The following TUSC3 variants were observed in gnomAD, a reference collection of about 807,000 sequenced individuals.
TUSC3 encodes dolichyl-diphosphooligosaccharide--protein glycosyltransferase subunit TUSC3.
TUSC3 carries 45 observed loss-of-function variants against 44.8 expected under a neutral mutation model. The observed-to-expected ratio is 1.00, with a 90% CI of 0.79 to 1.29. The LOEUF is 1.29. Among genes scored for constraint, TUSC3 ranks in the 50% most tolerant of loss-of-function variants. The pLI is 0.00. For missense variants in TUSC3, 519 were observed against 437.9 expected, an observed-to-expected ratio of 1.19 and a Z score of -1.65; for synonymous variants, 212 against 152.9, an observed-to-expected ratio of 1.39 and a Z score of -2.85.
chr8:15,755,525 C>G (rs1009606103), intron 9 of TUSC3, among the ~76,000 whole-genome samples: 1 of 151,896 alleles, frequency 6.6e-6, no homozygotes, highest in African/African-American at 2.4e-5. Flanking sequence ...TAGTTGGGCT[C>G]CTGGGTCTCT....
At chr8:15,723,999 C>A (rs897177489) in intron 6 of TUSC3, among the ~76,000 whole-genome samples, 1 of 152,118 alleles carries the variant, frequency 6.6e-6, no homozygotes, top group Non-Finnish European at 1.5e-5. Context: ...CGCAGTGTGA[C>A]TGTTTGGACG....
intron 6 of TUSC3, chr8:15,689,010 C>T (rs1028315295): frequency 8.3e-5 from 21 of 252,964 alleles, no homozygotes; most frequent in East Asian, 2.7e-4. Context: ...GTCAAACAAC[C>T]GGGCCACCTG....
chr8:15,809,474 G>T, the TUSC3 span, among the ~76,000 whole-genome samples: 4 of 151,048 alleles, frequency 2.6e-5, no homozygotes, highest in Admixed American at 2.6e-4. Context: ...CCTATTTGAG[G>T]TGGATACATT....
chr8:15,763,525 G>C (rs1275366985), intron 10 of TUSC3, among the ~76,000 whole-genome samples: 2 of 151,714 alleles, frequency 1.3e-5, no homozygotes, highest in African/African-American at 4.8e-5. Context: ...GACTCAAAAA[G>C]AACATGCCAC....
upstream of TUSC3, chr8:15,540,222 CGCCTTTCCAG>C (rs1405984066): frequency 1.5e-6 from 1 of 662,882 alleles, no homozygotes; most frequent in Non-Finnish European, 2.2e-6. Flanking sequence ...CCCCATCCCG[CGCCTTTCCAG>C]GTCTTCTCCC....
At chr8:15,552,878 TGCA>T (rs1485115043) in intron 1 of TUSC3, among the ~76,000 whole-genome samples, 6 of 151,738 alleles carry the variant, frequency 4.0e-5, no homozygotes, top group African/African-American at 1.4e-4. Context: ...AAGAGGCTTC[TGCA>T]GATGTCAAAG....
intron 6 of TUSC3, among the ~76,000 whole-genome samples, chr8:15,687,173 C>T (rs1231876756): frequency 2.0e-5 from 3 of 151,980 alleles, no homozygotes; most frequent in Non-Finnish European, 4.4e-5. Context: ...GAGATTCTTC[C>T]CTCTTATTTA....
chr8:15,573,190 CTCTCTCTCTCTCTATATA>C (rs1197037747), intron 1 of TUSC3, among the ~76,000 whole-genome samples: 4 of 92,520 alleles, frequency 4.3e-5, no homozygotes, highest in East Asian at 3.8e-4. Context: ...CTCTCTCTCT[CTCTCTCTCTCTCTATATA>C]TATATATATA....
the TUSC3 span, among the ~76,000 whole-genome samples, chr8:15,822,170 A>C: frequency 6.7e-6 from 1 of 149,520 alleles, no homozygotes; most frequent in Non-Finnish European, 1.5e-5. Flanking sequence ...CTGAAATTGA[A>C]AACGCTACAA....
chr8:15,618,171 T>TG (rs1805078385), intron 1 of TUSC3, among the ~76,000 whole-genome samples: 1 of 152,194 alleles, frequency 6.6e-6, no homozygotes, highest in South Asian at 2.1e-4. Flanking sequence ...TGAGTGAGTG[T>TG]GAAGGCCTGG....
chr8:15,745,066 T>C (rs1052403742), intron 8 of TUSC3, among the ~76,000 whole-genome samples: 1 of 152,166 alleles, frequency 6.6e-6, no homozygotes, highest in African/African-American at 2.4e-5. Flanking sequence ...TCTGTGTTAA[T>C]TCACTTAGGA....
At chr8:15,670,039 A>G (rs354518) in intron 5 of TUSC3, among the ~76,000 whole-genome samples, 7,562 of 151,956 alleles carry the variant, frequency 0.05, 245 homozygotes, top group East Asian at 0.15. Context: ...TAGCATCACA[A>G]AAAGTTTTGA....
At chr8:15,823,975 T>A in the TUSC3 span, among the ~76,000 whole-genome samples, 1 of 152,220 alleles carries the variant, frequency 6.6e-6, no homozygotes, top group Non-Finnish European at 1.5e-5. Flanking sequence ...AGAAAACATA[T>A]GCAAGAAGCA....
chr8:15,644,038 C>A (rs1806505587), intron 2 of TUSC3, among the ~76,000 whole-genome samples: 1 of 151,898 alleles, frequency 6.6e-6, no homozygotes, highest in Admixed American at 6.6e-5. Flanking sequence ...AGCTATACTT[C>A]TTAAAACATC....
chr8:15,850,993 C>G, the TUSC3 span, among the ~76,000 whole-genome samples: 3 of 152,090 alleles, frequency 2.0e-5, no homozygotes, highest in Non-Finnish European at 2.9e-5. Context: ...TCACTATACT[C>G]TAGGTCTTCA....
downstream of TUSC3, among the ~76,000 whole-genome samples, chr8:15,769,928 G>T (rs1181492833): frequency 2.6e-5 from 4 of 152,162 alleles, no homozygotes. Flanking sequence ...TGCTAGAGAG[G>T]ATGTGGAGAA....
At chr8:15,708,958 A>G (rs1021303727) in intron 6 of TUSC3, among the ~76,000 whole-genome samples, 11 of 151,944 alleles carry the variant, frequency 7.2e-5, no homozygotes, top group African/African-American at 2.7e-4. Flanking sequence ...ACAACTTTTG[A>G]TCTAAATTGA....
intron 1 of TUSC3, among the ~76,000 whole-genome samples, chr8:15,427,631 T>A (rs990519116): frequency 6.6e-5 from 10 of 152,118 alleles, no homozygotes; most frequent in African/African-American, 2.4e-4. Flanking sequence ...TAAAGATTTT[T>A]AATAAACTTT....
At chr8:15,559,223 A>G (rs56051444) in intron 1 of TUSC3, among the ~76,000 whole-genome samples, 33,653 of 138,286 alleles carry the variant, frequency 0.24, 5,041 homozygotes, top group Non-Finnish European at 0.3. Context: ...CGTTGGTTTC[A>G]AAGAACATCT....
Sources: allele counts gnomAD v4.1 joint callset (sites outside exome capture counted in the v4.1 genomes callset), GRCh38; gene constraint gnomAD v4.1.1; transcripts MANE v1.5; gene names NCBI Gene and HGNC (gene_info 2026-07-23, HGNC 2026-07-21).